Variants in ZFAT observed in about 807,000 individuals in gnomAD.
ZFAT encodes the protein zinc finger and AT-hook domain containing, also known as zinc finger protein ZFAT.
In ZFAT, 64 loss-of-function variants were observed where a neutral mutation model predicts 117.7. The ratio of observed to expected loss-of-function variants is 0.54; its 90% CI spans 0.44 to 0.67. The LOEUF (loss-of-function observed/expected upper bound fraction) is 0.67, where lower values mean the gene tolerates loss of function less well. ZFAT is among the 30% of genes least tolerant of loss of function. The pLI is 0.00. For synonymous variants in ZFAT, 679 were observed against 615.0 expected (o/e 1.10, Z -1.54); for missense variants, 1,433 against 1,584.5 (o/e 0.90, Z 1.62).
At chr8:134,480,790 C>G (rs1201506650) in intron 15 of ZFAT, among the ~76,000 whole-genome samples, 1 of 152,190 alleles carries the variant, frequency 6.6e-6, no homozygotes, top group South Asian at 2.1e-4. Context: ...CCTTCTACTC[C>G]CCACCTCTTC....
At chr8:134,695,156 G>C (rs1320730153) in intron 1 of ZFAT, among the ~76,000 whole-genome samples, 1 of 152,046 alleles carries the variant, frequency 6.6e-6, no homozygotes, top group Non-Finnish European at 1.5e-5. Context: ...CAGTGGAGGA[G>C]CTCACTCCAG....
intron 1 of ZFAT, among the ~76,000 whole-genome samples, chr8:134,680,233 G>A (rs1057109180): frequency 4.9e-5 from 7 of 143,942 alleles, no homozygotes; most frequent in African/African-American, 1.8e-4. Flanking sequence ...CTGTACTCCA[G>A]CCTGGGTGAC....
At chr8:134,755,472 T>C in the ZFAT span, among the ~76,000 whole-genome samples, 226 of 149,358 alleles carry the variant, frequency 1.5e-3, no homozygotes, top group African/African-American at 5.3e-3. Context: ...ATGAATTACA[T>C]AGTGGTGAAT....
chr8:134,690,483 A>G (rs774474474), intron 1 of ZFAT, among the ~76,000 whole-genome samples: 1 of 152,228 alleles, frequency 6.6e-6, no homozygotes, highest in Non-Finnish European at 1.5e-5. Flanking sequence ...TACAACTTCA[A>G]TTCCAAATGT....
chr8:134,756,611 C>A, the ZFAT span, among the ~76,000 whole-genome samples: 9 of 152,222 alleles, frequency 5.9e-5, no homozygotes, highest in Admixed American at 3.9e-4. Context: ...ACACTGCCTG[C>A]CGATTTTCAC....
At chr8:134,767,973 C>G in the ZFAT span, among the ~76,000 whole-genome samples, 1 of 152,182 alleles carries the variant, frequency 6.6e-6, no homozygotes, top group African/African-American at 2.4e-5. Flanking sequence ...AACAGATCTT[C>G]TCCACTGTAT....
rs1032826299 is a variant in ZFAT at position 134,620,177 on chromosome 8, C to T, written c.449-9522G>A. Among the ~76,000 whole-genome samples, 4 of 152,350 alleles carry T rather than the reference C, an allele frequency of 2.6e-5. No homozygotes were observed. In the South Asian group the frequency reaches 8.3e-4, roughly 32 times the overall value. On this transcript the variant is annotated intron_variant, in intron 3 of 15. Coordinates refer to ENST00000377838, the MANE Select transcript of ZFAT (RefSeq NM_020863.4). The stretch of plus-strand genomic sequence containing the variant: ...GAAAGGCTTACAGGAAGCTCAGGCA[C>T]CACAGCATGCAAACACTGCTCCTTT...
intron 2 of ZFAT, among the ~76,000 whole-genome samples, chr8:134,655,728 A>G (rs188539084): frequency 1.3e-5 from 2 of 152,362 alleles, no homozygotes; most frequent in African/African-American, 2.4e-5. Context: ...CTTAATAAGC[A>G]AAGAACTAAA....
intron 1 of ZFAT, among the ~76,000 whole-genome samples, chr8:134,685,143 C>T (rs1032542249): frequency 6.6e-6 from 1 of 152,178 alleles, no homozygotes; most frequent in Admixed American, 6.5e-5. Context: ...CAGCCCAGTA[C>T]ATGGTGTCAT....
At chr8:134,554,120 A>G (rs6578234) in intron 11 of ZFAT, among the ~76,000 whole-genome samples, 56,345 of 152,068 alleles carry the variant, frequency 0.37, 10,839 homozygotes, top group East Asian at 0.67. Flanking sequence ...TTACTCACAT[A>G]AGCCACAGTC....
the ZFAT span, among the ~76,000 whole-genome samples, chr8:134,770,065 G>T: frequency 0.015 from 2,229 of 152,308 alleles, 54 homozygotes; most frequent in African/African-American, 0.051. Flanking sequence ...GGGAGGAGCT[G>T]CCACAAAGGT....
chr8:134,500,022 G>C (rs1255061378), intron 15 of ZFAT, among the ~76,000 whole-genome samples: 1 of 152,250 alleles, frequency 6.6e-6, no homozygotes, highest in Non-Finnish European at 1.5e-5. Flanking sequence ...GGGCCAGCCT[G>C]AGGCAGGACA....
At chr8:134,684,300 A>C (rs1226894850) in intron 1 of ZFAT, among the ~76,000 whole-genome samples, 16 of 152,226 alleles carry the variant, frequency 1.1e-4, no homozygotes, top group African/African-American at 3.9e-4. Flanking sequence ...CATCTTACAC[A>C]ACAGGAATTA....
chr8:134,653,276 A>AG, intron 2 of ZFAT, among the ~76,000 whole-genome samples: 1 of 129,604 alleles, frequency 7.7e-6, no homozygotes, highest in African/African-American at 3.0e-5. Context: ...TTTTTAAAAA[A>AG]AAAAAAAAAA....
intron 15 of ZFAT, among the ~76,000 whole-genome samples, chr8:134,490,534 C>T (rs1427774461): frequency 1.3e-5 from 2 of 152,200 alleles, no homozygotes; most frequent in Non-Finnish European, 2.9e-5. Context: ...TTCAAATACA[C>T]AAGGAGCTGT....
At chr8:134,805,939 T>C in the ZFAT span, among the ~76,000 whole-genome samples, 1 of 151,952 alleles carries the variant, frequency 6.6e-6, no homozygotes, top group Non-Finnish European at 1.5e-5. Flanking sequence ...CTCATGCCAC[T>C]GCACTGCAGC....
the ZFAT span, chr8:134,792,298 T>C: frequency 6.6e-6 from 1 of 152,232 alleles, no homozygotes; most frequent in Non-Finnish European, 1.5e-5. Context: ...ACCTAGATGG[T>C]TCTGTTTTCA....
the ZFAT span, among the ~76,000 whole-genome samples, chr8:134,800,792 G>T: frequency 6.6e-6 from 1 of 152,094 alleles, no homozygotes; most frequent in Non-Finnish European, 1.5e-5. Context: ...TTTTGGAAGT[G>T]GGGGCGTGTC....
chr8:134,579,106 G>A (rs943136630), intron 10 of ZFAT, among the ~76,000 whole-genome samples: 3 of 152,212 alleles, frequency 2.0e-5, no homozygotes, highest in Non-Finnish European at 4.4e-5. Flanking sequence ...GTCTAGGGAC[G>A]AAGATTGGGA....
Sources: allele counts gnomAD v4.1 joint callset (sites outside exome capture counted in the v4.1 genomes callset), GRCh38; gene constraint gnomAD v4.1.1; transcripts MANE v1.5; gene names NCBI Gene and HGNC (gene_info 2026-07-23, HGNC 2026-07-21).